The following ADGRL2 variants were observed in gnomAD, a reference collection of about 807,000 sequenced individuals.
ADGRL2 encodes adhesion G protein-coupled receptor L2.
Under a neutral mutation model 157.4 loss-of-function variants are expected in ADGRL2, and 44 were observed. That is an observed-to-expected ratio of 0.28 (90% CI 0.22 to 0.36). The LOEUF (loss-of-function observed/expected upper bound fraction) is 0.36. Ranked by LOEUF, ADGRL2 falls within the 10% of genes least tolerant of loss-of-function variation. The pLI is 1.00. For missense variants in ADGRL2, 1,510 were observed against 1,768.9 expected (o/e 0.85, Z 2.63); for synonymous variants, 585 against 624.7 (o/e 0.94, Z 0.95).
At chr1:81,929,302 C>A (rs1395044731) in intron 3 of ADGRL2, among the ~76,000 whole-genome samples, 3 of 152,078 alleles carry the variant, frequency 2.0e-5, no homozygotes, top group Non-Finnish European at 4.4e-5. Flanking sequence ...TTCAGGGGAG[C>A]TGCAATAATA....
chr1:81,922,271 T>C (rs2094999062), intron 3 of ADGRL2, among the ~76,000 whole-genome samples: 1 of 152,172 alleles, frequency 6.6e-6, no homozygotes, highest in South Asian at 2.1e-4. Context: ...CCCCTTTCTT[T>C]CACACTCTGT....
chr1:81,656,603 T>C (rs1475727998), intron 3 of ADGRL2, among the ~76,000 whole-genome samples: 1 of 152,188 alleles, frequency 6.6e-6, no homozygotes, highest in Non-Finnish European at 1.5e-5. Flanking sequence ...TTCACTCTGC[T>C]ATCTACATTT....
intron 3 of ADGRL2, among the ~76,000 whole-genome samples, chr1:81,594,331 T>C (rs1198795462): frequency 6.6e-6 from 1 of 152,196 alleles, no homozygotes; most frequent in Non-Finnish European, 1.5e-5. Context: ...TCAAAAATAG[T>C]TAATGAAACT....
chr1:81,941,993 T>G (rs1420876032), intron 4 of ADGRL2, 41 bp from the exon 5 acceptor site: 1 of 763,316 alleles, frequency 1.3e-6, no homozygotes, highest in Admixed American at 1.8e-5. Flanking sequence ...CTTTTTTCCT[T>G]GCACCTTTTT....
chr1:81,768,473 G>T (rs998788274), intron 2 of ADGRL2, among the ~76,000 whole-genome samples: 2 of 133,548 alleles, frequency 1.5e-5, no homozygotes, highest in African/African-American at 6.0e-5. Context: ...GTTCTATGAA[G>T]TACCTCTTTT....
intron 1 of ADGRL2, among the ~76,000 whole-genome samples, chr1:81,388,171 T>C (rs1205618329): frequency 6.6e-6 from 1 of 152,174 alleles, no homozygotes; most frequent in Non-Finnish European, 1.5e-5. Flanking sequence ...ATAATTCCAA[T>C]ATCCAAAAAC....
intron 3 of ADGRL2, among the ~76,000 whole-genome samples, chr1:81,621,835 A>C (rs1005150877): frequency 8.3e-5 from 12 of 144,602 alleles, no homozygotes; most frequent in African/African-American, 3.0e-4. Flanking sequence ...CTTTAGCCTG[A>C]ACAAATGGAG....
At chr1:81,869,668 G>A (rs550138626) in intron 2 of ADGRL2, among the ~76,000 whole-genome samples, 52 of 151,950 alleles carry the variant, frequency 3.4e-4, no homozygotes, top group African/African-American at 1.2e-3. Context: ...GTGAATGTCA[G>A]TCACATTGAT....
At position 81,970,350 on chromosome 1, in the gene ADGRL2, T is replaced by G; in HGVS notation, c.2770T>G (p.Phe924Val). 2 of 1,600,846 alleles carry G rather than the reference T, an allele frequency of 1.2e-6. No individual in the cohort carries two copies. Among genetic ancestry groups the G allele is most frequent in the Non-Finnish European group, 1.7e-6 (2 of 1,176,434 alleles). The change falls in exon 16 of 24, where the codon TTC (phenylalanine) becomes GTC (valine). Residue 924 changes from phenylalanine (F) to valine (V), a missense_variant. Transcript: ENST00000686636. Reference protein sequence around the residue: ...CPIFAGLLHFFFLAAFAWMCL... With the variant: ...CPIFAGLLHFVFLAAFAWMCL... The stretch of plus-strand genomic sequence containing the variant: ...AATATTTGCAGGACTTCTACACTTT[T>G]TCTTTTTGGCAGCTTTTGCTTGGAT...
intron 3 of ADGRL2, among the ~76,000 whole-genome samples, chr1:81,586,909 T>C (rs2081038437): frequency 6.6e-6 from 1 of 152,046 alleles, no homozygotes; most frequent in African/African-American, 2.4e-5. Context: ...ATGAATGTAT[T>C]TGAGTGCATA....
chr1:81,794,485 A>G (rs2149430516), intron 2 of ADGRL2, among the ~76,000 whole-genome samples: 1 of 152,336 alleles, frequency 6.6e-6, no homozygotes. Flanking sequence ...TTTTTAATGT[A>G]CAATAACTGG....
intron 3 of ADGRL2, among the ~76,000 whole-genome samples, chr1:81,609,399 C>G (rs967469812): frequency 6.6e-6 from 1 of 152,098 alleles, no homozygotes; most frequent in African/African-American, 2.4e-5. Flanking sequence ...CCACTTGATA[C>G]AAGTAACTCT....
At position 81,484,256 on chromosome 1, in the gene ADGRL2, A is replaced by G. The variant is rs1462744332; in HGVS notation, c.-248+39167A>G. Among the ~76,000 whole-genome samples the G allele has an allele frequency of 3.9e-5, 6 of 152,330 alleles. No homozygotes were observed. In the East Asian group the frequency reaches 1.2e-3, roughly 29 times the overall value. On this transcript the variant is annotated intron_variant, in intron 2 of 24. Coordinates refer to the ADGRL2 transcript ENST00000370721. Reference sequence around the variant, plus strand: ...TTAATTCTAATTGTTTAAAGAGTACATTCTTAAATCTGAATCTCCTTTCTA... The same window carrying G: ...TTAATTCTAATTGTTTAAAGAGTACGTTCTTAAATCTGAATCTCCTTTCTA...
At chr1:81,744,768 G>T (rs1253536963) in intron 1 of ADGRL2, among the ~76,000 whole-genome samples, 1 of 152,100 alleles carries the variant, frequency 6.6e-6, no homozygotes, top group Admixed American at 6.6e-5. Flanking sequence ...CAGACAACTG[G>T]ATGTCCGTAT....
intron 6 of ADGRL2, among the ~76,000 whole-genome samples, chr1:81,949,201 A>G (rs1188485755): frequency 6.6e-6 from 1 of 152,198 alleles, no homozygotes; most frequent in African/African-American, 2.4e-5. Flanking sequence ...AAATGTTGAT[A>G]CAACTTTCGT....
chr1:81,495,374 A>G (rs1286171129), intron 2 of ADGRL2, among the ~76,000 whole-genome samples: 2 of 150,874 alleles, frequency 1.3e-5, no homozygotes, highest in African/African-American at 5.0e-5. Context: ...GTTTAAGTTA[A>G]TAATGATGAT....
chr1:81,780,477 C>A (rs1321594540), intron 2 of ADGRL2, among the ~76,000 whole-genome samples: 3 of 152,078 alleles, frequency 2.0e-5, no homozygotes, highest in Admixed American at 1.3e-4. Flanking sequence ...TACTGATGAG[C>A]AAATTGTGGC....
chr1:81,385,579 T>C (rs769288499), intron 1 of ADGRL2, among the ~76,000 whole-genome samples: 3 of 144,278 alleles, frequency 2.1e-5, no homozygotes, highest in Non-Finnish European at 4.7e-5. Context: ...CTAGTAAACA[T>C]TGTTTTGGGG....
Position 81,979,972 on chromosome 1 carries a change from G to A in ADGRL2, c.3113+12G>A. 6.7e-7 allele frequency: 1 copy of A among 1,486,948 alleles called. No individual in the cohort carries two copies. Among genetic ancestry groups the A allele is most frequent in the Non-Finnish European group, 9.4e-7 (1 of 1,066,964 alleles). 92.1% of individuals were successfully genotyped at this position (1,486,948 alleles called of 1,614,324 possible). ...TTGGAAAACATTAAGTAAGTATTTT[G>A]TATTTTAATTTTAATACTTGACAAA... On this transcript the variant is annotated intron_variant, in intron 18 of 23. Coordinates refer to ENST00000686636, the MANE Select transcript of ADGRL2 (RefSeq NM_001366006.2).
Sources: gnomAD v4.1 joint callset for allele counts (sites outside exome capture counted in the v4.1 genomes callset) on GRCh38, gnomAD v4.1.1 for gene constraint, MANE v1.5 for transcripts, NCBI Gene and HGNC (gene_info 2026-07-23, HGNC 2026-07-21) for gene names.